Variants in SLC24A4 observed in about 807,000 individuals in gnomAD.
SLC24A4 encodes solute carrier family 24 member 4.
Under a neutral mutation model 79.0 loss-of-function variants are expected in SLC24A4, and 53 were observed. The observed-to-expected ratio is 0.67, with a 90% CI of 0.54 to 0.84. The LOEUF is 0.84. Ranked by LOEUF, SLC24A4 falls within the 40% of genes least tolerant of loss-of-function variation. The pLI, the probability that SLC24A4 is intolerant of heterozygous loss-of-function variation, is 0.00. For synonymous variants in SLC24A4, 323 were observed against 323.8 expected (o/e 1.00, Z 0.03); for missense variants, 731 against 822.0 (o/e 0.89, Z 1.35).
chr14:92,364,038 T>C (rs76614748), intron 2 of SLC24A4, among the ~76,000 whole-genome samples: 4,671 of 152,280 alleles, frequency 0.031, 98 homozygotes, highest in Non-Finnish European at 0.047. Flanking sequence ...AGGTGACTCT[T>C]GCTCCTTCTT....
chr14:92,492,822 C>T (rs61977324), intron 16 of SLC24A4: 13 of 454,852 alleles, frequency 2.9e-5, no homozygotes, highest in East Asian at 1.4e-4. Context: ...ACTTTTTACT[C>T]GCAGTGCTCC....
Position 92,491,388 on chromosome 14 carries a change from C to T in SLC24A4, c.1538-277C>T, listed in dbSNP as rs903675265. On this transcript the variant is annotated intron_variant, in intron 14 of 16. Coordinates refer to ENST00000532405, the MANE Select transcript of SLC24A4 (RefSeq NM_153646.4). ...ACGACCTCATTTTAACCTGTTACTT[C>T]TATAAAGACCCTATCTCCAAATAAA... 2.0e-5 allele frequency among the ~76,000 whole-genome samples: 3 copies of T among 152,168 alleles called. No individual in the cohort carries two copies. In the East Asian group the frequency reaches 5.8e-4, roughly 29 times the overall value.
chr14:92,486,666 G>C lies in SLC24A4; in HGVS notation c.1423G>C (p.Val475Leu). The change falls in exon 14 of 17, where the codon GTG becomes CTG. Residue 475 changes from valine (V) to leucine (L), a missense_variant and splice_region_variant. Physicochemically the swap from Val to Leu is conservative, Grantham distance 32. Coordinates refer to ENST00000532405, the MANE Select transcript of SLC24A4 (RefSeq NM_153646.4). ...CATGTCTCCACCCCACATTCTGCAG[G>C]TGACTATTATCGGATACACACTTGG... is the stretch of plus-strand genomic sequence containing the variant. Reference protein sequence around the residue: ...AVFSYIMVWLVTIIGYTLGIP... With the variant: ...AVFSYIMVWLLTIIGYTLGIP... The C allele has an allele frequency of 1.2e-6, 2 of 1,607,436 alleles. No individual in the cohort carries two copies. The highest frequency in any genetic ancestry group is 1.7e-6 in the Non-Finnish European group (2 of 1,173,982).
chr14:92,447,685 A>G (rs994334179), intron 9 of SLC24A4, among the ~76,000 whole-genome samples: 1 of 152,208 alleles, frequency 6.6e-6, no homozygotes, highest in Non-Finnish European at 1.5e-5. Context: ...TCTCCAGACA[A>G]GTAGCATGCA....
chr14:92,428,118 A>G (rs1891668648), intron 2 of SLC24A4, among the ~76,000 whole-genome samples: 1 of 152,220 alleles, frequency 6.6e-6, no homozygotes, highest in South Asian at 2.1e-4. Context: ...AGCCTGAATG[A>G]ACTGAGACAA....
At chr14:92,357,844 T>C (rs1887269049) in intron 2 of SLC24A4, among the ~76,000 whole-genome samples, 1 of 152,236 alleles carries the variant, frequency 6.6e-6, no homozygotes, top group Non-Finnish European at 1.5e-5. Context: ...TGGTAAATCT[T>C]ATGTGTATTT....
At chr14:92,473,157 G>T (rs531950850) in intron 12 of SLC24A4, among the ~76,000 whole-genome samples, 1 of 152,198 alleles carries the variant, frequency 6.6e-6, no homozygotes, top group East Asian at 1.9e-4. Context: ...AACAAATTCT[G>T]GCTACATTTA....
In SLC24A4 at chr14:92,343,789, G is replaced by A. The variant is rs574842904; in HGVS notation, c.241+17811G>A. 3.3e-5 allele frequency among the ~76,000 whole-genome samples: 5 copies of A among 151,140 alleles called. No homozygotes were observed. In the South Asian group the frequency reaches 6.3e-4, roughly 19 times the overall value. On this transcript the variant is annotated intron_variant, in intron 2 of 16. Transcript: ENST00000532405. ...ACGATCTTGGCTCACTGCATCCTCC[G>A]CCTCCCAGGTTCAAGGGATTCTCCT...
intron 3 of SLC24A4, among the ~76,000 whole-genome samples, chr14:92,437,085 C>G (rs972281172): frequency 1.3e-5 from 2 of 152,208 alleles, no homozygotes; most frequent in Middle Eastern, 3.2e-3. Flanking sequence ...TTCTCTGTTG[C>G]AAACAGGACA....
intron 2 of SLC24A4, among the ~76,000 whole-genome samples, chr14:92,340,800 C>G (rs1305956018): frequency 1.3e-5 from 2 of 152,076 alleles, no homozygotes; most frequent in Non-Finnish European, 2.9e-5. Context: ...TGTCAGGACA[C>G]CCAGTTTATT....
chr14:92,491,140 A>G (rs955790611), intron 14 of SLC24A4, among the ~76,000 whole-genome samples: 1 of 152,198 alleles, frequency 6.6e-6, no homozygotes, highest in Non-Finnish European at 1.5e-5. Flanking sequence ...GCAAAGCAGG[A>G]TCATCGAGTT....
chr14:92,326,419 G>A (rs992025482), intron 2 of SLC24A4, among the ~76,000 whole-genome samples: 3 of 152,178 alleles, frequency 2.0e-5, no homozygotes, highest in Non-Finnish European at 2.9e-5. Context: ...GCAGCTGCAG[G>A]GGTGGGACAC....
intron 4 of SLC24A4, 112 bp downstream of exon 4, chr14:92,439,521 T>C (rs1892373801): frequency 1.0e-6 from 1 of 977,502 alleles, no homozygotes. Context: ...TGGCAAAGAC[T>C]GTCACACCGA....
At chr14:92,337,528 A>G (rs947527250) in intron 2 of SLC24A4, among the ~76,000 whole-genome samples, 2 of 152,206 alleles carry the variant, frequency 1.3e-5, no homozygotes, top group African/African-American at 4.8e-5. Context: ...ACCCAGAAGG[A>G]GTTAAGTGTT....
chr14:92,474,843 G>GTGTGTGTGTGTGTGTGTGTATATA (rs779007741), intron 12 of SLC24A4, among the ~76,000 whole-genome samples: 1 of 23,884 alleles, frequency 4.2e-5, no homozygotes, highest in African/African-American at 9.8e-5. Context: ...GTGTGTGTGT[G>GTGTGTGTGTGTGTGTGTGTATATA]TATATATATA....
At chr14:92,459,789 G>A (rs1013119088) in intron 12 of SLC24A4, among the ~76,000 whole-genome samples, 1 of 152,164 alleles carries the variant, frequency 6.6e-6, no homozygotes, top group African/African-American at 2.4e-5. Flanking sequence ...GAGGCCCGGG[G>A]TAGGCAGAGG....
chr14:92,383,172 C>T (rs12435939), intron 2 of SLC24A4, among the ~76,000 whole-genome samples: 6,781 of 152,244 alleles, frequency 0.045, 221 homozygotes, highest in East Asian at 0.16. Context: ...CGTCTAAAGA[C>T]CCCGGGGTCC....
chr14:92,385,675 C>G (rs1322937219), intron 2 of SLC24A4, among the ~76,000 whole-genome samples: 3 of 152,084 alleles, frequency 2.0e-5, no homozygotes, highest in African/African-American at 7.2e-5. Context: ...CAAGATCGCA[C>G]AGCTGCGGGG....
rs1231491459 is a variant in SLC24A4, at chr14:92,353,329, C to T, written c.241+27351C>T. Among the ~76,000 whole-genome samples, 1 of 152,218 alleles carries T rather than the reference C, an allele frequency of 6.6e-6. No individual in the cohort carries two copies. The highest frequency in any genetic ancestry group is 1.5e-5 in the Non-Finnish European group (1 of 68,034). On this transcript the variant is annotated intron_variant, in intron 2 of 16. Coordinates refer to ENST00000532405, the MANE Select transcript of SLC24A4 (RefSeq NM_153646.4). The surrounding 1 kb of genome is among the most constrained non-coding windows in gnomAD (Gnocchi z 4.1). Reference sequence around the variant, plus strand: ...TTCTATTGTGCGGATGTGCTATGATCTATTTAACTCATTCCCTAATGATGT... The same window carrying T: ...TTCTATTGTGCGGATGTGCTATGATTTATTTAACTCATTCCCTAATGATGT...
Sources: allele counts gnomAD v4.1 joint callset (sites outside exome capture counted in the v4.1 genomes callset), GRCh38; gene constraint gnomAD v4.1.1; non-coding constraint Gnocchi (gnomAD v3.1); transcripts MANE v1.5; gene names NCBI Gene and HGNC (gene_info 2026-07-23, HGNC 2026-07-21).